Variants in EXO1 observed in about 807,000 individuals in gnomAD.
EXO1 encodes exonuclease 1.
Under a neutral mutation model 84.5 loss-of-function variants are expected in EXO1, and 69 were observed. The observed-to-expected ratio is 0.82, with a 90% CI of 0.67 to 1.00. The LOEUF is 1.00. Ranked by LOEUF, EXO1 falls within the 50% of genes least tolerant of loss-of-function variation. The pLI is 0.00. For missense variants in EXO1, 1,045 were observed against 1,000.7 expected (o/e 1.04, Z -0.60); for synonymous variants, 373 against 366.1 (o/e 1.02, Z -0.21).
intron 10 of EXO1, among the ~76,000 whole-genome samples, chr1:241,863,168 G>C (rs552913443): frequency 4.1e-4 from 63 of 152,216 alleles, no homozygotes; most frequent in Admixed American, 8.5e-4. Context: ...GCTCTTTTAA[G>C]CACCTTAGAC....
chr1:241,871,049 T>C (rs928124136), intron 11 of EXO1, among the ~76,000 whole-genome samples: 8 of 151,836 alleles, frequency 5.3e-5, no homozygotes, highest in African/African-American at 1.9e-4. Context: ...ATTTATGGAG[T>C]CCCCAAATAA....
chr1:241,866,806 A>G lies in EXO1; in HGVS notation c.1042-24A>G, dbSNP rs201387950. 9.1e-5 allele frequency: 136 copies of G among 1,492,048 alleles called. No individual in the cohort carries two copies. In the Admixed American group the frequency reaches 2.2e-3, roughly 24 times the overall value. 92.4% of individuals were successfully genotyped at this position (1,492,048 alleles called of 1,614,324 possible). ...ATTGATTATTTTCTTTCTGCAAATA[A>G]TCTTTTTCCTTTTCCTTTTCTAGCC... On this transcript the variant is annotated intron_variant, in intron 10 of 15. Coordinates refer to ENST00000366548, the MANE Select transcript of EXO1 (RefSeq NM_130398.4).
Position 241,878,897 on chromosome 1 carries a change from G to A in EXO1, c.1663G>A (p.Val555Ile). 1 of 1,614,168 alleles carries A rather than the reference G, an allele frequency of 6.2e-7. No individual in the cohort carries two copies. The highest frequency in any genetic ancestry group is 8.5e-7 in the Non-Finnish European group (1 of 1,180,016). The change falls in exon 13 of 16, where the codon GTA becomes ATA. Residue 555 changes from valine (V) to isoleucine (I), a missense_variant. Val to Ile is a conservative substitution (Grantham distance 29). Coordinates refer to ENST00000366548, the MANE Select transcript of EXO1 (RefSeq NM_130398.4). ...QEGKRLVDTD[V>I]ARNSSDDIPN... ...AGGCAAGAGACTGGTTGACACAGAT[G>A]TAGCACGTAATTCAAGTGATGACAT... is the stretch of plus-strand genomic sequence containing the variant.
chr1:241,861,738 T>A (rs1021902557), intron 10 of EXO1, among the ~76,000 whole-genome samples: 13 of 152,338 alleles, frequency 8.5e-5, no homozygotes, highest in Non-Finnish European at 1.3e-4. Context: ...ACCCTTATCC[T>A]TGAGCATTTC....
At chr1:241,853,081 TTAC>T (rs1660757362) in intron 5 of EXO1, among the ~76,000 whole-genome samples, 1 of 152,244 alleles carries the variant, frequency 6.6e-6, no homozygotes, top group Non-Finnish European at 1.5e-5. Flanking sequence ...AGTATCTTCG[TTAC>T]TACATTTTCT....
rs4149907 is a variant in EXO1 at position 241,859,461 on chromosome 1, A to G, written c.756+743A>G. 6.5e-3 allele frequency among the ~76,000 whole-genome samples: 991 copies of G among 152,320 alleles called. 7 individuals carry two copies. The highest frequency in any genetic ancestry group is 0.023 in the African/African-American group (946 of 41,578). On this transcript the variant is annotated intron_variant, in intron 8 of 15. Coordinates refer to ENST00000366548, the MANE Select transcript of EXO1 (RefSeq NM_130398.4). The stretch of plus-strand genomic sequence containing the variant: ...TACACAAAATAATTAAAAATACTGT[A>G]TAAAATTACCTTCAGTCTATGTGTG...
At chr1:241,878,713 ATACT>A (rs747836911) in intron 12 of EXO1, 32 bp from the exon 13 acceptor site, 6 of 1,325,358 alleles carry the variant, frequency 4.5e-6, no homozygotes, top group South Asian at 3.7e-5. Context: ...TAAAATACTC[ATACT>A]TACTTATTGT....
In EXO1 at chr1:241,889,459, T is replaced by C; in HGVS notation, c.2406-6T>C. ...AATACCAAATGTATTTTATTGTATT[T>C]TGCAGAGATTCTGAAAAGCTTCCTC... On this transcript the variant is annotated splice_region_variant and splice_polypyrimidine_tract_variant and intron_variant, in intron 15 of 15. Coordinates refer to ENST00000366548, the MANE Select transcript of EXO1 (RefSeq NM_130398.4). 1 of 1,612,376 alleles carries C rather than the reference T, an allele frequency of 6.2e-7. No individual in the cohort carries two copies. The highest frequency in any genetic ancestry group is 2.2e-5 in the East Asian group (1 of 44,856).
intron 7 of EXO1, among the ~76,000 whole-genome samples, 154 bp downstream of exon 7, chr1:241,857,636 T>C (rs904462238): frequency 6.6e-6 from 1 of 151,258 alleles, no homozygotes; most frequent in Non-Finnish European, 1.5e-5. Context: ...ATTATTGTAT[T>C]TAATAGATAT....
intron 11 of EXO1, among the ~76,000 whole-genome samples, chr1:241,871,233 C>T (rs1662072999): frequency 6.6e-6 from 1 of 152,172 alleles, no homozygotes; most frequent in Non-Finnish European, 1.5e-5. Context: ...TTTGCTGATA[C>T]AGCTTTTTAA....
rs763121883 is a variant in EXO1 at position 241,857,446 on chromosome 1, A to G, written c.507A>G (p.Thr169=). The G allele has an allele frequency of 8.7e-6, 14 of 1,613,902 alleles. No homozygotes were observed. Among genetic ancestry groups the G allele is most frequent in the African/African-American group, 1.3e-5 (1 of 74,906 alleles). The change falls in exon 7 of 16, where the codon ACA becomes ACG. Residue 169 remains threonine, a synonymous_variant. Coordinates refer to ENST00000366548, the MANE Select transcript of EXO1 (RefSeq NM_130398.4). ...NKAGIVQAII[T]EDSDLLAFGC... ...CGGGAATTGTGCAAGCCATAATTAC[A>G]GAGGACTCGGATCTCCTAGCTTTTG... is the stretch of plus-strand genomic sequence containing the variant.
At chr1:241,877,909 A>G (rs1004419053) in intron 12 of EXO1, among the ~76,000 whole-genome samples, 3 of 152,216 alleles carry the variant, frequency 2.0e-5, no homozygotes, top group Non-Finnish European at 4.4e-5. Context: ...GAACAAAGCT[A>G]AGATGAAGGG....
chr1:241,856,354 C>A (rs1322329860), intron 6 of EXO1, among the ~76,000 whole-genome samples: 2 of 151,240 alleles, frequency 1.3e-5, no homozygotes, highest in Non-Finnish European at 2.9e-5. Flanking sequence ...GTTCCAGCTG[C>A]CTAGATTTTG....
intron 10 of EXO1, among the ~76,000 whole-genome samples, chr1:241,864,989 C>T (rs1661625500): frequency 6.6e-6 from 1 of 151,190 alleles, no homozygotes; most frequent in African/African-American, 2.4e-5. Flanking sequence ...TAACTGGCAT[C>T]AAGCCTCTTG....
rs1312800781 is a variant in EXO1 at position 241,858,717 on chromosome 1, A to AGG, written c.756_756+1dup. 6.3e-7 allele frequency: 1 copy of AGG among 1,598,488 alleles called. No homozygotes were observed. Among genetic ancestry groups the AGG allele is most frequent in the Admixed American group, 1.7e-5 (1 of 60,014 alleles). ...CTAGCCAATAATCCAGATATAGTAAAGGTAAGAGTGATTTGCTAAGTGTCA... is the reference window on the plus strand; with the variant it reads ...CTAGCCAATAATCCAGATATAGTAAAGGGGTAAGAGTGATTTGCTAAGTGTCA... On this transcript the variant is annotated frameshift_variant and splice_region_variant, in exon 8 of 16. Coordinates refer to ENST00000366548, the MANE Select transcript of EXO1 (RefSeq NM_130398.4). LOFTEE classifies it high-confidence loss of function.
chr1:241,878,544 A>G (rs1032299174), intron 12 of EXO1, among the ~76,000 whole-genome samples: 3 of 152,106 alleles, frequency 2.0e-5, no homozygotes, highest in Non-Finnish European at 4.4e-5. Context: ...CATCGTATAA[A>G]TAGAATTCTA....
chr1:241,889,630 A>G lies in EXO1; in HGVS notation c.*30A>G. On this transcript the variant is annotated 3_prime_UTR_variant, in exon 16 of 16. Transcript: ENST00000366548. ...AGACTGCTGCAAAGCTTTTGCCTGC[A>G]AGAGAATCTGATCAATTTGAAGTCC... The G allele has an allele frequency of 1.2e-6, 2 of 1,612,100 alleles. No homozygotes were observed. The highest frequency in any genetic ancestry group is 1.7e-4 in the Middle Eastern group (1 of 6,058).
intron 3 of EXO1, among the ~76,000 whole-genome samples, chr1:241,849,777 C>T (rs963351084): frequency 2.3e-4 from 35 of 152,156 alleles, no homozygotes; most frequent in Admixed American, 9.2e-4. Context: ...GCGATGCCAT[C>T]GCATGCATGG....
At chr1:241,887,359 C>CTT (rs1452437741) in intron 15 of EXO1, among the ~76,000 whole-genome samples, 1 of 152,068 alleles carries the variant, frequency 6.6e-6, no homozygotes, top group African/African-American at 2.4e-5. Flanking sequence ...CACTGGTGCA[C>CTT]TTTTAATGCA....
Sources: gnomAD v4.1 joint callset for allele counts (sites outside exome capture counted in the v4.1 genomes callset) on GRCh38, gnomAD v4.1.1 for gene constraint, MANE v1.5 for transcripts, NCBI Gene and HGNC (gene_info 2026-07-23, HGNC 2026-07-21) for gene names.